The following VPS54 variants were observed in gnomAD, a reference collection of about 807,000 sequenced individuals.
VPS54 encodes VPS54 subunit of GARP complex, also known as vacuolar protein sorting-associated protein 54.
A neutral mutation model predicts 121.5 loss-of-function variants in VPS54; 45 were observed. The observed-to-expected ratio is 0.37, with a 90% CI of 0.29 to 0.47. The LOEUF (loss-of-function observed/expected upper bound fraction) is 0.47. Ranked by LOEUF, VPS54 falls within the 20% of genes least tolerant of loss-of-function variation. The probability of loss-of-function intolerance (pLI) is 0.99; values close to 1 mark genes in which losing one functional copy is unlikely to be tolerated. For synonymous variants in VPS54, 371 were observed against 385.8 expected, an observed-to-expected ratio of 0.96 and a Z score of 0.45; for missense variants, 1,090 against 1,131.4, an observed-to-expected ratio of 0.96 and a Z score of 0.52.
At chr2:63,903,692 A>G (rs1397756828) in intron 20 of VPS54, among the ~76,000 whole-genome samples, 1 of 152,206 alleles carries the variant, frequency 6.6e-6, no homozygotes, top group Non-Finnish European at 1.5e-5. Flanking sequence ...AAGTAATGTC[A>G]TATTATTTAA....
chr2:64,003,618 A>T (rs1260844735), intron 1 of VPS54, among the ~76,000 whole-genome samples: 5 of 152,148 alleles, frequency 3.3e-5, no homozygotes, highest in Admixed American at 3.3e-4. Flanking sequence ...AACATATCAG[A>T]ACAGACAGAC....
chr2:63,899,060 A>T (rs1269058324), intron 21 of VPS54, among the ~76,000 whole-genome samples: 1 of 152,198 alleles, frequency 6.6e-6, no homozygotes, highest in Non-Finnish European at 1.5e-5. Flanking sequence ...TGAGTTAATT[A>T]TATGTGTTAA....
At chr2:64,004,579 A>G (rs1166798807) in intron 1 of VPS54, among the ~76,000 whole-genome samples, 1 of 152,198 alleles carries the variant, frequency 6.6e-6, no homozygotes, top group African/African-American at 2.4e-5. Flanking sequence ...AGTCTCTTCA[A>G]AAATGTTTAA....
At chr2:63,972,111 T>C in intron 4 of VPS54, 55 bp downstream of exon 4, 1 of 1,186,924 alleles carries the variant, frequency 8.4e-7, no homozygotes, top group Admixed American at 2.6e-5. Flanking sequence ...ATAAAGATTT[T>C]GTTCACTAAT....
chr2:63,934,077 G>T, intron 11 of VPS54, 64 bp from the exon 12 acceptor site: 1 of 1,413,476 alleles, frequency 7.1e-7, no homozygotes, highest in East Asian at 2.3e-5. Context: ...GTTCCCAAAA[G>T]AGAATTCTGT....
At position 64,009,502 on chromosome 2, in the gene VPS54, G is replaced by A. The variant is rs574943218; in HGVS notation, c.-21+9436C>T. On this transcript the variant is annotated intron_variant, in intron 1 of 22. Transcript: ENST00000272322. ...GGCTAATCTTTGTATTTTTAGTATA[G>A]ACAGGGTTTCACCATGTTGCCCAGG... Among the ~76,000 whole-genome samples, 5 of 152,122 alleles carry A rather than the reference G, an allele frequency of 3.3e-5. No homozygotes were observed. In the East Asian group the frequency reaches 7.8e-4, roughly 24 times the overall value.
chr2:63,921,690 G>A (rs1673654587), intron 12 of VPS54, among the ~76,000 whole-genome samples: 1 of 151,814 alleles, frequency 6.6e-6, no homozygotes, highest in Non-Finnish European at 1.5e-5. Context: ...ACAATGCCCA[G>A]GGTGGTCTCA....
intron 20 of VPS54, among the ~76,000 whole-genome samples, chr2:63,910,794 A>C (rs1339421871): frequency 6.6e-6 from 1 of 152,234 alleles, no homozygotes; most frequent in Non-Finnish European, 1.5e-5. Context: ...GACAATTCTT[A>C]TTCAAAAACT....
chr2:63,997,731 T>TC (rs1229748134), intron 1 of VPS54, among the ~76,000 whole-genome samples: 8 of 152,038 alleles, frequency 5.3e-5, no homozygotes, highest in African/African-American at 1.9e-4. Flanking sequence ...TTTCTTTTTT[T>TC]CCACTAATTT....
Position 63,893,352 on chromosome 2 carries a change from G to T in VPS54, c.*78C>A. 2 of 1,273,798 alleles carry T rather than the reference G, an allele frequency of 1.6e-6. No homozygotes were observed. Among genetic ancestry groups the T allele is most frequent in the South Asian group, 1.2e-5 (1 of 84,108 alleles). 78.9% of individuals were successfully genotyped at this position (1,273,798 alleles called of 1,614,324 possible). A position where few individuals can be genotyped will look rare whatever the true frequency, so the allele number is the denominator to read the frequency against. ...ACTTTGGGTTTCAGGTTCAATTCTC[G>T]AATCACAGGCATCCAGATTTTCTTC... On this transcript the variant is annotated 3_prime_UTR_variant, in exon 23 of 23. Coordinates refer to ENST00000272322, the MANE Select transcript of VPS54 (RefSeq NM_016516.3).
chr2:63,953,446 T>C (rs1675351104), intron 7 of VPS54, among the ~76,000 whole-genome samples: 1 of 152,174 alleles, frequency 6.6e-6, no homozygotes, highest in Non-Finnish European at 1.5e-5. Context: ...CCTAGGAAAC[T>C]TTAATGCCAC....
chr2:63,998,469 G>C (rs1027117213), intron 1 of VPS54, among the ~76,000 whole-genome samples: 4 of 151,962 alleles, frequency 2.6e-5, no homozygotes, highest in African/African-American at 7.2e-5. Flanking sequence ...TGGTTGTTTC[G>C]TAGTCTTCTC....
chr2:64,017,187 A>G (rs1191932444), intron 1 of VPS54, among the ~76,000 whole-genome samples: 1 of 151,888 alleles, frequency 6.6e-6, no homozygotes, highest in Non-Finnish European at 1.5e-5. Context: ...CTAAAAATAC[A>G]AAAATCAGCC....
intron 6 of VPS54, 21 bp downstream of exon 6, chr2:63,965,814 A>G: frequency 6.2e-7 from 1 of 1,608,078 alleles, no homozygotes; most frequent in East Asian, 2.2e-5. Context: ...TCCTACATGG[A>G]AAAAGTCAAA....
At chr2:63,937,764 G>T (rs890089702) in intron 11 of VPS54, among the ~76,000 whole-genome samples, 1 of 152,062 alleles carries the variant, frequency 6.6e-6, no homozygotes, top group African/African-American at 2.4e-5. Context: ...TTGATGAATG[G>T]ATAAGCAAAA....
chr2:63,905,691 A>T (rs1233424184), intron 20 of VPS54, among the ~76,000 whole-genome samples: 3 of 152,150 alleles, frequency 2.0e-5, no homozygotes, highest in African/African-American at 7.2e-5. Flanking sequence ...TGAGTCCAGT[A>T]TTACTCTGAT....
At chr2:63,899,130 A>G (rs1321589312) in intron 21 of VPS54, among the ~76,000 whole-genome samples, 1 of 152,340 alleles carries the variant, frequency 6.6e-6, no homozygotes, top group African/African-American at 2.4e-5. Flanking sequence ...TCACCGTAAC[A>G]TATTTTGCTA....
rs561765479 is a variant in VPS54 at position 63,992,070 on chromosome 2, A to T, written c.-20-8051T>A. ...AGGAATCACCATTCATACTGGTCTC[A>T]TTAATTCTGATTCAGTTGACGAGAT... On this transcript the variant is annotated intron_variant, in intron 1 of 22. Transcript: ENST00000272322. Among the ~76,000 whole-genome samples the T allele has an allele frequency of 1.2e-4, 19 of 152,320 alleles. No individual in the cohort carries two copies. In the East Asian group the frequency reaches 3.7e-3, roughly 29 times the overall value.
At chr2:63,946,912 A>G (rs1358982839) in intron 9 of VPS54, among the ~76,000 whole-genome samples, 1 of 152,098 alleles carries the variant, frequency 6.6e-6, no homozygotes. Flanking sequence ...CAGTCTAAGA[A>G]CAAACATTCT....
Sources: allele counts gnomAD v4.1 joint callset (sites outside exome capture counted in the v4.1 genomes callset), GRCh38; gene constraint gnomAD v4.1.1; transcripts MANE v1.5; gene names NCBI Gene and HGNC (gene_info 2026-07-23, HGNC 2026-07-21).